Variants in GAN observed in about 807,000 individuals in gnomAD.
The protein encoded by GAN is gigaxonin.
GAN carries 48 observed loss-of-function variants against 71.3 expected under a neutral mutation model. That is an observed-to-expected ratio of 0.67 (90% CI 0.53 to 0.86). The LOEUF (loss-of-function observed/expected upper bound fraction) is 0.86. GAN is among the 40% of genes least tolerant of loss of function. GAN has a pLI of 0.00. For synonymous variants in GAN, 386 were observed against 276.8 expected, an observed-to-expected ratio of 1.39 and a Z score of -3.92; for missense variants, 928 against 770.1, an observed-to-expected ratio of 1.21 and a Z score of -2.43.
rs56023541 is a variant in GAN, at chr16:81,383,242, C to CTTTTTTT, written c.*5668_*5674dup. 9.6e-5 allele frequency: 9 copies of CTTTTTTT among 93,650 alleles called. No homozygotes were observed. Among genetic ancestry groups the CTTTTTTT allele is most frequent in the Non-Finnish European group, 1.4e-4 (7 of 48,504 alleles). 5.8% of individuals were successfully genotyped at this position (93,650 alleles called of 1,614,324 possible). ...TAGTCAGAAATGACTGTTGCCCTCTCTTTTTTTTTTTTTTTTTTTTTTTTT... is the reference window on the plus strand; with the variant it reads ...TAGTCAGAAATGACTGTTGCCCTCTCTTTTTTTTTTTTTTTTTTTTTTTTTTTTTTTT... On this transcript the variant is annotated 3_prime_UTR_variant, in exon 11 of 11. Coordinates refer to ENST00000648994, the MANE Select transcript of GAN (RefSeq NM_022041.4).
At chr16:81,339,692 C>G (rs1043687546) in intron 1 of GAN, among the ~76,000 whole-genome samples, 1 of 152,142 alleles carries the variant, frequency 6.6e-6, no homozygotes, top group Non-Finnish European at 1.5e-5. Context: ...TCTATTTTTA[C>G]CTACAAAGAG....
intron 2 of GAN, among the ~76,000 whole-genome samples, chr16:81,353,151 C>G (rs1161786317): frequency 6.6e-6 from 1 of 151,948 alleles, no homozygotes; most frequent in Non-Finnish European, 1.5e-5. Context: ...ATTAGCCGGG[C>G]GAGGTGGCGG....
At chr16:81,352,337 C>T (rs1910327116) in intron 2 of GAN, among the ~76,000 whole-genome samples, 1 of 152,204 alleles carries the variant, frequency 6.6e-6, no homozygotes, top group Non-Finnish European at 1.5e-5. Flanking sequence ...AGACTTCTTT[C>T]TTTTCCTTTG....
chr16:81,329,473 G>C (rs1405282400), intron 1 of GAN, among the ~76,000 whole-genome samples: 3 of 152,202 alleles, frequency 2.0e-5, no homozygotes, highest in African/African-American at 7.2e-5. Flanking sequence ...CAGGCTTCTT[G>C]AAAGAAAAGT....
Position 81,362,490 on chromosome 16 carries a change from T to A in GAN, c.974-9T>A, listed in dbSNP as rs149373971. 1.7e-5 allele frequency: 24 copies of A among 1,448,078 alleles called. No individual in the cohort carries two copies. The East Asian group carries it at 5.4e-4, about 33-fold the overall frequency. The allele number at this position is 1,448,078 out of a possible 1,614,324, so 89.7% of individuals were successfully genotyped here. On this transcript the variant is annotated splice_polypyrimidine_tract_variant and intron_variant, in intron 5 of 10. Transcript: ENST00000648994. Reference sequence around the variant, plus strand: ...CATTTCATATTTGTGTTTCCTTTGATCTTTGCAGAAGGATTTTTGTTTGTA... The same window carrying A: ...CATTTCATATTTGTGTTTCCTTTGAACTTTGCAGAAGGATTTTTGTTTGTA...
rs916215657 is a variant in GAN at position 81,382,306 on chromosome 16, T to C, written c.*4710T>C. The C allele has an allele frequency of 6.6e-6, 1 of 152,222 alleles. No homozygotes were observed. Among genetic ancestry groups the C allele is most frequent in the African/African-American group, 2.4e-5 (1 of 41,460 alleles). 9.4% of individuals were successfully genotyped at this position (152,222 alleles called of 1,614,324 possible). On this transcript the variant is annotated 3_prime_UTR_variant, in exon 11 of 11. Coordinates refer to ENST00000648994, the MANE Select transcript of GAN (RefSeq NM_022041.4). ...CTAGGCATACAAGTATTTTTAGTAA[T>C]AGAATAATCATTTTTAGTATTAATA... is the stretch of plus-strand genomic sequence containing the variant.
intron 1 of GAN, among the ~76,000 whole-genome samples, chr16:81,329,639 C>G (rs1909506582): frequency 6.6e-6 from 1 of 152,144 alleles, no homozygotes; most frequent in East Asian, 1.9e-4. Flanking sequence ...GACCTGTCTG[C>G]TGTATTTATC....
Position 81,321,366 on chromosome 16 carries a change from T to G in GAN, c.167+6086T>G, listed in dbSNP as rs75057170. Among the ~76,000 whole-genome samples the G allele has an allele frequency of 6.6e-5, 10 of 152,368 alleles. No homozygotes were observed. In the East Asian group the frequency reaches 1.9e-3, roughly 29 times the overall value. On this transcript the variant is annotated intron_variant, in intron 1 of 10. Coordinates refer to ENST00000648994, the MANE Select transcript of GAN (RefSeq NM_022041.4). Reference sequence around the variant, plus strand: ...TTTTCTCTAGTGGATAAGTCCTCACTCTTTTACCTATACTGTTTTTACTTC... The same window carrying G: ...TTTTCTCTAGTGGATAAGTCCTCACGCTTTTACCTATACTGTTTTTACTTC...
chr16:81,366,862 T>A (rs1351556583), intron 9 of GAN, among the ~76,000 whole-genome samples: 2 of 152,134 alleles, frequency 1.3e-5, no homozygotes, highest in East Asian at 3.9e-4. Flanking sequence ...TCTCGCTCTG[T>A]CGCCCGGGCT....
At chr16:81,332,809 G>T (rs1470911491) in intron 1 of GAN, among the ~76,000 whole-genome samples, 1 of 152,160 alleles carries the variant, frequency 6.6e-6, no homozygotes, top group Non-Finnish European at 1.5e-5. Flanking sequence ...TAGATTGGAT[G>T]GGAGGGTTGC....
At chr16:81,321,001 G>A (rs890451456) in intron 1 of GAN, among the ~76,000 whole-genome samples, 2 of 151,326 alleles carry the variant, frequency 1.3e-5, no homozygotes, top group Admixed American at 1.3e-4. Context: ...TAATAACTAT[G>A]TTCAGTTTCA....
At chr16:81,374,071 C>G (rs781696907) in intron 9 of GAN, among the ~76,000 whole-genome samples, 23 of 152,178 alleles carry the variant, frequency 1.5e-4, no homozygotes, top group Non-Finnish European at 2.5e-4. Flanking sequence ...ACTCTCATGA[C>G]CTTCATCCTC....
intron 1 of GAN, among the ~76,000 whole-genome samples, chr16:81,335,620 A>G (rs962659460): frequency 4.0e-5 from 6 of 151,860 alleles, no homozygotes; most frequent in African/African-American, 1.5e-4. Context: ...GGTGGCGCAC[A>G]CTTGCAATCC....
chr16:81,341,785 A>G (rs887825426), intron 1 of GAN, among the ~76,000 whole-genome samples: 1 of 152,228 alleles, frequency 6.6e-6, no homozygotes, highest in African/African-American at 2.4e-5. Context: ...ACATAAGAAT[A>G]TTAACCTTAA....
At chr16:81,338,349 A>G (rs1055425679) in intron 1 of GAN, among the ~76,000 whole-genome samples, 3 of 152,230 alleles carry the variant, frequency 2.0e-5, no homozygotes, top group South Asian at 2.1e-4. Context: ...AGGTGGGGAC[A>G]GAGAACATAG....
rs918881741 is a variant in GAN at position 81,360,183 on chromosome 16, G to C, written c.973+2252G>C. ...TTCGTTCTTCCTTCTTAACTCCTCA[G>C]ACTTTCCACCTAGGATCATCTCCCT... is the stretch of plus-strand genomic sequence containing the variant. On this transcript the variant is annotated intron_variant, in intron 5 of 10. Transcript: ENST00000648994. Among the ~76,000 whole-genome samples, 3 of 152,116 alleles carry C rather than the reference G, an allele frequency of 2.0e-5. No individual in the cohort carries two copies. The East Asian group carries it at 5.8e-4, about 29-fold the overall frequency.
intron 5 of GAN, among the ~76,000 whole-genome samples, 197 bp downstream of exon 5, chr16:81,358,128 A>G (rs902909264): frequency 7.9e-5 from 12 of 152,180 alleles, no homozygotes; most frequent in African/African-American, 2.7e-4. Flanking sequence ...CTGTATCTTC[A>G]GCACATAGCT....
chr16:81,345,030 G>A (rs545666321), intron 1 of GAN, among the ~76,000 whole-genome samples: 15 of 152,302 alleles, frequency 9.8e-5, no homozygotes, highest in African/African-American at 3.4e-4. Flanking sequence ...TTAGAGAAAT[G>A]CAAATCAAAA....
rs181426189 is a variant in GAN, at chr16:81,375,943, C to G, written c.1503-1276C>G. Among the ~76,000 whole-genome samples, 298 of 148,728 alleles carry G rather than the reference C, an allele frequency of 2.0e-3. 1 individual carries two copies. The highest frequency in any genetic ancestry group is 6.7e-3 in the African/African-American group (272 of 40,366). On this transcript the variant is annotated intron_variant, in intron 9 of 10. Coordinates refer to ENST00000648994, the MANE Select transcript of GAN (RefSeq NM_022041.4). The stretch of plus-strand genomic sequence containing the variant: ...TGTGATTGCACCACTGCACTCCAGC[C>G]TGGATGAGTGACAGAGTAAGACCCT...
Sources: gnomAD v4.1 joint callset for allele counts (sites outside exome capture counted in the v4.1 genomes callset) on GRCh38, gnomAD v4.1.1 for gene constraint, MANE v1.5 for transcripts, NCBI Gene and HGNC (gene_info 2026-07-23, HGNC 2026-07-21) for gene names.